Variants in NDST4 observed in about 807,000 individuals in gnomAD.
NDST4 encodes the protein N-deacetylase and N-sulfotransferase 4.
In NDST4, 63 loss-of-function variants were observed where a neutral mutation model predicts 100.8. That is an observed-to-expected ratio of 0.62 (90% confidence interval 0.51 to 0.77). The LOEUF (loss-of-function observed/expected upper bound fraction) is 0.77. Among genes scored for constraint, NDST4 ranks in the 30% least tolerant of loss-of-function variants. The probability of loss-of-function intolerance (pLI) is 0.00; values close to 1 mark genes in which losing one functional copy is unlikely to be tolerated. For missense variants in NDST4, 943 were observed against 1,018.4 expected (o/e 0.93, Z 1.01); for synonymous variants, 377 against 361.8 (o/e 1.04, Z -0.48).
At chr4:115,007,288 C>A (rs998227039) in intron 2 of NDST4, among the ~76,000 whole-genome samples, 9 of 152,138 alleles carry the variant, frequency 5.9e-5, no homozygotes, top group African/African-American at 1.9e-4. Context: ...AAATGCTTAA[C>A]CCTTATATTT....
chr4:115,095,022 C>T (rs948953466), intron 1 of NDST4, among the ~76,000 whole-genome samples: 6 of 152,104 alleles, frequency 3.9e-5, no homozygotes, highest in African/African-American at 1.2e-4. Flanking sequence ...AAAAATTCAT[C>T]AAGGCTCCCA....
chr4:114,846,037 T>C (rs773576402), intron 9 of NDST4, 40 bp from the exon 10 acceptor site: 14 of 1,461,520 alleles, frequency 9.6e-6, no homozygotes, highest in Non-Finnish European at 1.3e-5. Flanking sequence ...CTGAAAATAA[T>C]TTTTCTTGCC....
intron 6 of NDST4, among the ~76,000 whole-genome samples, chr4:114,890,569 T>C (rs1014660717): frequency 1.2e-4 from 19 of 152,108 alleles, no homozygotes; most frequent in African/African-American, 4.6e-4. Context: ...GTAACAGTTG[T>C]TATTCCAATC....
At chr4:114,960,061 G>T (rs1726227636) in intron 4 of NDST4, among the ~76,000 whole-genome samples, 1 of 152,090 alleles carries the variant, frequency 6.6e-6, no homozygotes, top group African/African-American at 2.4e-5. Flanking sequence ...ACATAGAAGT[G>T]AAACACAAAA....
At chr4:114,988,347 C>G (rs562255761) in intron 2 of NDST4, among the ~76,000 whole-genome samples, 1 of 111,544 alleles carries the variant, frequency 9.0e-6, no homozygotes, top group Non-Finnish European at 1.8e-5. Flanking sequence ...CACAGATACA[C>G]ATATCTTTTT....
chr4:114,869,085 A>T, intron 7 of NDST4, among the ~76,000 whole-genome samples: 1 of 151,536 alleles, frequency 6.6e-6, no homozygotes, highest in Non-Finnish European at 1.5e-5. Flanking sequence ...ACAAACATTC[A>T]ATCAATACTT....
At chr4:114,924,975 T>C (rs1489887006) in intron 6 of NDST4, among the ~76,000 whole-genome samples, 1 of 152,176 alleles carries the variant, frequency 6.6e-6, no homozygotes, top group East Asian at 1.9e-4. Flanking sequence ...ACATCTATTA[T>C]GTATCAATAA....
At chr4:114,926,592 CAG>C (rs561109559) in intron 6 of NDST4, among the ~76,000 whole-genome samples, 3 of 151,272 alleles carry the variant, frequency 2.0e-5, no homozygotes, top group Non-Finnish European at 4.4e-5. Flanking sequence ...GAAAAAATAT[CAG>C]AGACTTTTGA....
intron 1 of NDST4, among the ~76,000 whole-genome samples, chr4:115,079,329 C>A (rs1049832234): frequency 6.7e-6 from 1 of 149,598 alleles, no homozygotes; most frequent in African/African-American, 2.5e-5. Context: ...GCCAGCCTGG[C>A]CAGTCTGGGC....
At chr4:114,930,081 G>A (rs567973426) in intron 6 of NDST4, among the ~76,000 whole-genome samples, 50 of 152,262 alleles carry the variant, frequency 3.3e-4, no homozygotes, top group East Asian at 1.5e-3. Flanking sequence ...AATGAAGAGA[G>A]AGGTTTCCAC....
intron 2 of NDST4, among the ~76,000 whole-genome samples, chr4:114,993,311 A>C (rs1189697394): frequency 1.3e-5 from 2 of 151,956 alleles, no homozygotes; most frequent in African/African-American, 4.8e-5. Flanking sequence ...TATCTGTATT[A>C]GTTGTGCATT....
chr4:114,870,266 T>G (rs1221029315), intron 7 of NDST4, among the ~76,000 whole-genome samples: 1 of 152,142 alleles, frequency 6.6e-6, no homozygotes, highest in African/African-American at 2.4e-5. Flanking sequence ...CTGTTAGATT[T>G]AAAGAAAAGT....
chr4:114,930,766 CAGA>C (rs1374709056), intron 6 of NDST4, among the ~76,000 whole-genome samples: 2 of 152,116 alleles, frequency 1.3e-5, no homozygotes, highest in Non-Finnish European at 2.9e-5. Flanking sequence ...GGAATCATTA[CAGA>C]AGAAGAAATT....
chr4:115,037,327 A>G (rs1480845455), intron 2 of NDST4, among the ~76,000 whole-genome samples: 1 of 152,094 alleles, frequency 6.6e-6, no homozygotes, highest in Admixed American at 6.6e-5. Context: ...TGTAGATGGT[A>G]TTTTAGTTGG....
rs572185058 is a variant in NDST4, at chr4:114,856,515, T to G, written c.1720-3694A>C. Among the ~76,000 whole-genome samples, 19 of 152,322 alleles carry G rather than the reference T, an allele frequency of 1.2e-4. No homozygotes were observed. The South Asian group carries it at 3.9e-3, about 32-fold the overall frequency. On this transcript the variant is annotated intron_variant, in intron 7 of 13. Coordinates refer to ENST00000264363, the MANE Select transcript of NDST4 (RefSeq NM_022569.3). ...CAAGTGAGTTTTCTCTAATTATGAT[T>G]CTTTTAACCATTTTGCCAAATATAG...
chr4:114,964,275 G>A (rs1726332134), intron 4 of NDST4, among the ~76,000 whole-genome samples: 1 of 152,130 alleles, frequency 6.6e-6, no homozygotes, highest in Non-Finnish European at 1.5e-5. Context: ...CTTGGCAGCA[G>A]GTCCACCCTC....
chr4:114,982,099 G>A (rs1226922533), intron 2 of NDST4, among the ~76,000 whole-genome samples: 2 of 152,144 alleles, frequency 1.3e-5, no homozygotes, highest in African/African-American at 2.4e-5. Flanking sequence ...TCAGGTATGT[G>A]TTTACAGCAG....
intron 2 of NDST4, among the ~76,000 whole-genome samples, chr4:115,013,362 T>TAG: frequency 9.2e-6 from 1 of 108,450 alleles, no homozygotes; most frequent in Non-Finnish European, 1.9e-5. Flanking sequence ...TATATATATA[T>TAG]ATATATATAC....
chr4:115,048,383 T>A (rs1023477752), intron 2 of NDST4, among the ~76,000 whole-genome samples: 1 of 152,166 alleles, frequency 6.6e-6, no homozygotes, highest in Non-Finnish European at 1.5e-5. Flanking sequence ...AATTCATTCA[T>A]GAAAATATAC....
Sources: allele counts gnomAD v4.1 joint callset (sites outside exome capture counted in the v4.1 genomes callset), GRCh38; gene constraint gnomAD v4.1.1; transcripts MANE v1.5; gene names NCBI Gene and HGNC (gene_info 2026-07-23, HGNC 2026-07-21).